The following TLE7 variants were observed in gnomAD, a reference collection of about 807,000 sequenced individuals.
TLE7 encodes transducin-like enhancer protein 7.
chr16:71,436,810 G>A (rs2042827987), intron 1 of TLE7, among the ~76,000 whole-genome samples: 1 of 152,242 alleles, frequency 6.6e-6, no homozygotes, highest in Admixed American at 6.5e-5. Flanking sequence ...GTCCCTGAAA[G>A]CAAAGACTGA....
chr16:71,440,767 G>A (rs1040820634), intron 1 of TLE7, among the ~76,000 whole-genome samples: 16 of 152,360 alleles, frequency 1.1e-4, no homozygotes, highest in African/African-American at 3.8e-4. Flanking sequence ...ACAAAGGTCA[G>A]AGATGGGGTC....
chr16:71,435,635 A>G (rs1182401709), intron 1 of TLE7, among the ~76,000 whole-genome samples: 1 of 152,228 alleles, frequency 6.6e-6, no homozygotes, highest in East Asian at 1.9e-4. Flanking sequence ...CAAATAGGAA[A>G]GAAGAATGGG....
chr16:71,439,023 C>T (rs1022334720), intron 1 of TLE7, among the ~76,000 whole-genome samples: 1 of 152,224 alleles, frequency 6.6e-6, no homozygotes, highest in Non-Finnish European at 1.5e-5. Flanking sequence ...CACCACCTTT[C>T]CATCCCCGTG....
chr16:71,430,935 C>A (rs1472313400), intron 8 of TLE7, among the ~76,000 whole-genome samples, 186 bp downstream of exon 8: 2 of 152,162 alleles, frequency 1.3e-5, no homozygotes, highest in African/African-American at 2.4e-5. Flanking sequence ...TATCACGGAA[C>A]AACAGAAGGA....
rs2042815101 is a variant in TLE7 at position 71,433,435 on chromosome 16, A to G, written c.-96-15T>C. On this transcript the variant is annotated splice_polypyrimidine_tract_variant and intron_variant, in intron 1 of 9. Coordinates refer to ENST00000561754, the MANE Select transcript of TLE7 (RefSeq NM_001367365.2). Reference sequence around the variant, plus strand: ...GTCCTGATCCCCTGTAAGGTGAAAAAAAAGAGACGCAGCTATGCACATGTG... The same window carrying G: ...GTCCTGATCCCCTGTAAGGTGAAAAGAAAGAGACGCAGCTATGCACATGTG... 1 of 397,784 alleles carries G rather than the reference A, an allele frequency of 2.5e-6. No individual in the cohort carries two copies. The highest frequency in any genetic ancestry group is 4.4e-6 in the Non-Finnish European group (1 of 226,036). 24.6% of individuals were successfully genotyped at this position (397,784 alleles called of 1,614,324 possible). A position where few individuals can be genotyped will look rare whatever the true frequency, so the allele number is the denominator to read the frequency against.
intron 1 of TLE7, among the ~76,000 whole-genome samples, chr16:71,436,649 A>G (rs538932670): frequency 1.4e-4 from 22 of 152,362 alleles, no homozygotes; most frequent in African/African-American, 5.0e-4. Context: ...TCAGAGTCTC[A>G]GCTCCAGGTG....
At chr16:71,441,110 C>G (rs2042846087) in intron 1 of TLE7, among the ~76,000 whole-genome samples, 1 of 152,232 alleles carries the variant, frequency 6.6e-6, no homozygotes, top group Non-Finnish European at 1.5e-5. Context: ...CCCCAGGGAC[C>G]TGTTACCAAA....
chr16:71,430,608 T>G (rs979311044), intron 9 of TLE7, 60 bp downstream of exon 9: 15 of 398,116 alleles, frequency 3.8e-5, no homozygotes, highest in Non-Finnish European at 6.6e-5. Flanking sequence ...TCCAACCAAC[T>G]GGGACCTGGA....
chr16:71,434,821 C>T (rs187081675), intron 1 of TLE7, among the ~76,000 whole-genome samples: 2 of 152,270 alleles, frequency 1.3e-5, no homozygotes, highest in East Asian at 1.9e-4. Context: ...AGGCAATATC[C>T]GCCATTATTA....
Position 71,430,695 on chromosome 16 carries a change from C to T in TLE7, c.1194G>A (p.Glu398=), listed in dbSNP as rs1322982409. Residue 398 remains glutamate, a synonymous_variant, in exon 9 of 10, where the codon GAG becomes GAA. Transcript: ENST00000561754. ...GAAACAACTTTTGCAGAGAAGGTGC[C>T]TCCAAGCCACTGAGGCGCGTATCTA... ...TAIDTRLSGL[E]APSLQKLFQI... 3 of 398,478 alleles carry T rather than the reference C, an allele frequency of 7.5e-6. No homozygotes were observed. Among genetic ancestry groups the T allele is most frequent in the African/African-American group, 6.2e-5 (3 of 48,618 alleles). 24.7% of individuals were successfully genotyped at this position (398,478 alleles called of 1,614,324 possible).
chr16:71,438,660 T>G (rs1404063077), intron 1 of TLE7, among the ~76,000 whole-genome samples: 34 of 121,870 alleles, frequency 2.8e-4, no homozygotes, highest in Non-Finnish European at 2.5e-4. Flanking sequence ...CCAGCCTGGG[T>G]ATCAGGGTGA....
At chr16:71,435,564 AAATTT>A (rs553383181) in intron 1 of TLE7, among the ~76,000 whole-genome samples, 1 of 152,396 alleles carries the variant, frequency 6.6e-6, no homozygotes, top group East Asian at 1.9e-4. Flanking sequence ...AATGGAAATT[AAATTT>A]ATCTTTGTAT....
In TLE7 at chr16:71,433,164, G is replaced by C; in HGVS notation, c.161C>G (p.Pro54Arg). 1 of 398,704 alleles carries C rather than the reference G, an allele frequency of 2.5e-6. No individual in the cohort carries two copies. Among genetic ancestry groups the C allele is most frequent in the Non-Finnish European group, 4.4e-6 (1 of 226,146 alleles). The allele number at this position is 398,704 out of a possible 1,614,324, so 24.7% of individuals were successfully genotyped here. A position where few individuals can be genotyped will look rare whatever the true frequency, so the allele number is the denominator to read the frequency against. ...GSLLGVPWQPPGPPIQHSPAD... is the reference protein window; with the variant it reads ...GSLLGVPWQPRGPPIQHSPAD... ...AGGGCTGTGCTGTATTGGGGGGCCC[G>C]GGGGCTGCCAGGGCACTCCCAACAG... The change falls in exon 2 of 10, where the codon CCG (proline) becomes CGG (arginine). Residue 54 changes from proline to arginine, a missense_variant. By Grantham distance (103) the Pro-to-Arg change is moderately radical (BLOSUM62 -2). Coordinates refer to ENST00000561754, the MANE Select transcript of TLE7 (RefSeq NM_001367365.2).
At chr16:71,430,518 G>C in intron 9 of TLE7, 150 bp downstream of exon 9, 1 of 397,790 alleles carries the variant, frequency 2.5e-6, no homozygotes, top group Non-Finnish European at 4.4e-6. Context: ...GAGTTCATAG[G>C]ATGTGAAGTC....
intron 8 of TLE7, 31 bp from the exon 9 acceptor site, chr16:71,430,772 G>A (rs768405376): frequency 1.5e-5 from 6 of 398,338 alleles, no homozygotes; most frequent in Non-Finnish European, 2.2e-5. Flanking sequence ...TGAGAGGCCA[G>A]AGACCAATCC....
chr16:71,430,220 C>T lies in TLE7; in HGVS notation c.*42G>A, dbSNP rs1001184724. The T allele has an allele frequency of 1.2e-4, 49 of 398,572 alleles. No individual in the cohort carries two copies. Among genetic ancestry groups the T allele is most frequent in the South Asian group, 7.7e-4 (6 of 7,838 alleles). 24.7% of individuals were successfully genotyped at this position (398,572 alleles called of 1,614,324 possible). The stretch of plus-strand genomic sequence containing the variant: ...AGCCATCCTCACAGCCACACCAGCC[C>T]AAAGACTGGGTCTTCACTGGCAGGA... On this transcript the variant is annotated 3_prime_UTR_variant, in exon 10 of 10. Transcript: ENST00000561754.
chr16:71,433,443 C>G (rs953689794), intron 1 of TLE7, 23 bp from the exon 2 acceptor site: 1 of 397,508 alleles, frequency 2.5e-6, no homozygotes, highest in Non-Finnish European at 4.4e-6. Context: ...AAAAAAGAGA[C>G]GCAGCTATGC....
At chr16:71,439,574 A>G (rs2042839446) in intron 1 of TLE7, among the ~76,000 whole-genome samples, 1 of 152,006 alleles carries the variant, frequency 6.6e-6, no homozygotes, top group Non-Finnish European at 1.5e-5. Context: ...AATGGGGGGA[A>G]GGGACAAGAC....
chr16:71,441,670 G>A (rs2042849019), intron 1 of TLE7, among the ~76,000 whole-genome samples: 1 of 152,206 alleles, frequency 6.6e-6, no homozygotes, highest in Non-Finnish European at 1.5e-5. Context: ...GACTCCTCGT[G>A]GCTTCTCCGC....
Sources: allele counts gnomAD v4.1 joint callset (sites outside exome capture counted in the v4.1 genomes callset), GRCh38; gene constraint gnomAD v4.1.1; transcripts MANE v1.5; gene names NCBI Gene and HGNC (gene_info 2026-07-23, HGNC 2026-07-21).